The following DNAH9 variants were observed in gnomAD, a reference collection of about 807,000 sequenced individuals.
DNAH9 encodes dynein axonemal heavy chain 9, also known as DNAH9 variant protein.
DNAH9 carries 345 observed loss-of-function variants against 471.6 expected under a neutral mutation model. The observed-to-expected ratio is 0.73, with a 90% confidence interval of 0.67 to 0.80. The LOEUF is 0.80. Among genes scored for constraint, DNAH9 ranks in the 30% least tolerant of loss-of-function variants. The pLI, the probability that DNAH9 is intolerant of heterozygous loss-of-function variation, is 0.00. For missense variants in DNAH9, 5,407 were observed against 5,609.2 expected, an observed-to-expected ratio of 0.96 and a Z score of 1.15; for synonymous variants, 2,093 against 2,123.6, an observed-to-expected ratio of 0.99 and a Z score of 0.40.
Position 11,822,929 on chromosome 17 carries a change from C to A in DNAH9, c.9141C>A (p.Phe3047Leu). ...NYTTPKSFLE[F>L]IRLYQSLLHR... ...CAACTCCCAAGTCCTTTCTGGAGTT[C>A]ATCAGACTCTACCAGAGCTTGTTGC... Residue 3047 changes from phenylalanine to leucine, a missense_variant, in exon 48 of 69, where the codon TTC becomes TTA. Phe to Leu is a conservative substitution (Grantham distance 22). Around this residue, in one of 3 missense-constraint regions of DNAH9, gnomAD observed 4,636 missense variants for 4,900.3 expected, o/e 0.95. Coordinates refer to ENST00000262442, the MANE Select transcript of DNAH9 (RefSeq NM_001372.4). 1 of 1,614,226 alleles carries A rather than the reference C, an allele frequency of 6.2e-7. No individual in the cohort carries two copies. The highest frequency in any genetic ancestry group is 1.1e-5 in the South Asian group (1 of 91,080).
intron 35 of DNAH9, among the ~76,000 whole-genome samples, chr17:11,761,557 AGCACTCAGACAACCCCTGCT>A (rs1305508035): frequency 6.6e-6 from 1 of 152,214 alleles, no homozygotes; most frequent in Non-Finnish European, 1.5e-5. Context: ...CCCTTAGCCA[AGCACTCAGACAACCCCTGCT>A]GCACACAGCC....
At chr17:11,868,033 G>A (rs560710081) in intron 50 of DNAH9, among the ~76,000 whole-genome samples, 6 of 152,224 alleles carry the variant, frequency 3.9e-5, no homozygotes, top group Non-Finnish European at 7.4e-5. Context: ...AAGTTGTCAC[G>A]TCCTCTGCCC....
chr17:11,832,335 C>T (rs190599091), intron 48 of DNAH9, among the ~76,000 whole-genome samples: 10 of 151,904 alleles, frequency 6.6e-5, no homozygotes, highest in Non-Finnish European at 1.2e-4. Flanking sequence ...AACAAAACAA[C>T]AACCAAAAAA....
intron 35 of DNAH9, among the ~76,000 whole-genome samples, chr17:11,761,071 C>G (rs1308336133): frequency 2.0e-5 from 3 of 152,214 alleles, no homozygotes; most frequent in Admixed American, 6.5e-5. Context: ...ATTTTATTTC[C>G]TACTGTTCCT....
rs2074749144 is a variant in DNAH9 at position 11,708,006 on chromosome 17, CACACACACAGAGAGAGAGAGAG to C, written c.5552+2823_5552+2844del. ...ACACACACACACACACACACACACA[CACACACACAGAGAGAGAGAGAG>C]AGAGAGAGAGAGAGAGAGAGAGAGA... On this transcript the variant is annotated intron_variant, in intron 26 of 68. Coordinates refer to ENST00000262442, the MANE Select transcript of DNAH9 (RefSeq NM_001372.4). Among the ~76,000 whole-genome samples, 4 of 48,284 alleles carry C rather than the reference CACACACACAGAGAGAGAGAGAG, an allele frequency of 8.3e-5. No individual in the cohort carries two copies. The East Asian group carries it at 2.0e-3, about 25-fold the overall frequency. The allele number at this position is 48,284 out of a possible 152,430, so 31.7% of individuals were successfully genotyped here. A position where few individuals can be genotyped will look rare whatever the true frequency, so the allele number is the denominator to read the frequency against.
At chr17:11,615,149 T>C (rs993821104) in intron 4 of DNAH9, among the ~76,000 whole-genome samples, 2 of 152,172 alleles carry the variant, frequency 1.3e-5, no homozygotes, top group African/African-American at 4.8e-5. Context: ...ATGGTAGGAA[T>C]ACTGGGAATA....
intron 63 of DNAH9, among the ~76,000 whole-genome samples, chr17:11,931,606 C>T (rs1426669675): frequency 6.6e-6 from 1 of 152,120 alleles, no homozygotes; most frequent in African/African-American, 2.4e-5. Context: ...GTGATTACAC[C>T]TGCTAAGGTT....
intron 6 of DNAH9, among the ~76,000 whole-genome samples, chr17:11,628,876 T>C (rs1426260163): frequency 6.6e-6 from 1 of 152,194 alleles, no homozygotes; most frequent in Admixed American, 6.5e-5. Context: ...TATGTATGTA[T>C]ATATTTATTT....
At chr17:11,609,057 A>C (rs2072570194) in intron 2 of DNAH9, among the ~76,000 whole-genome samples, 1 of 152,130 alleles carries the variant, frequency 6.6e-6, no homozygotes, top group African/African-American at 2.4e-5. Flanking sequence ...TTCATCCAGC[A>C]TCTCTATGTG....
Position 11,752,785 on chromosome 17 carries a change from GAGGATTAATGAAGAAATGGAAAATA to G in DNAH9, c.6611-44_6611-20del, listed in dbSNP as rs776505276. On this transcript the variant is annotated intron_variant, in intron 32 of 68. Transcript: ENST00000262442. ...GGGGGAAAGCTGTGTTTAAGTGAAA[GAGGATTAATGAAGAAATGGAAAATA>G]AGGTGTCAGTGGTTCCTTTTAGGAT... 2.7e-6 allele frequency: 4 copies of G among 1,480,740 alleles called. No individual in the cohort carries two copies. In the South Asian group the frequency reaches 4.4e-5, roughly 16 times the overall value. The allele number at this position is 1,480,740 out of a possible 1,614,324, so 91.7% of individuals were successfully genotyped here. A position where few individuals can be genotyped will look rare whatever the true frequency, so the allele number is the denominator to read the frequency against.
intron 34 of DNAH9, among the ~76,000 whole-genome samples, 180 bp from the exon 35 acceptor site, chr17:11,757,365 G>C (rs528779069): frequency 2.0e-5 from 3 of 152,102 alleles, no homozygotes; most frequent in African/African-American, 7.2e-5. Context: ...TCTATCATCA[G>C]TCCGCTGGAG....
chr17:11,743,895 T>A (rs1029315132), intron 30 of DNAH9, among the ~76,000 whole-genome samples: 1 of 151,688 alleles, frequency 6.6e-6, no homozygotes, highest in Admixed American at 6.6e-5. Context: ...AGTGGCGTGA[T>A]CTCGGCTCGC....
chr17:11,909,001 G>A (rs967911142), intron 61 of DNAH9, among the ~76,000 whole-genome samples: 3 of 152,168 alleles, frequency 2.0e-5, no homozygotes, highest in South Asian at 2.1e-4. Context: ...CTGTTGGTAC[G>A]ATGCCTTTTA....
rs181532415 is a variant in DNAH9 at position 11,773,677 on chromosome 17, G to A, written c.7552+4348G>A. 7.8e-4 allele frequency among the ~76,000 whole-genome samples: 119 copies of A among 152,112 alleles called. 1 individual carries two copies. Among genetic ancestry groups the A allele is most frequent in the African/African-American group, 2.8e-3 (117 of 41,504 alleles). Reference sequence around the variant, plus strand: ...GGGAAACTGACTGGGTGCTGAGGGTGGAATAGAGAATTATTTAAACCTTTT... The same window carrying A: ...GGGAAACTGACTGGGTGCTGAGGGTAGAATAGAGAATTATTTAAACCTTTT... On this transcript the variant is annotated intron_variant, in intron 38 of 68. Coordinates refer to ENST00000262442, the MANE Select transcript of DNAH9 (RefSeq NM_001372.4).
intron 49 of DNAH9, among the ~76,000 whole-genome samples, chr17:11,843,744 CAAG>C (rs1188276866): frequency 6.7e-6 from 1 of 149,926 alleles, no homozygotes; most frequent in East Asian, 1.9e-4. Flanking sequence ...AAATAATTGA[CAAG>C]AAAAACTTTC....
chr17:11,628,022 G>A (rs547384656), intron 6 of DNAH9, among the ~76,000 whole-genome samples: 96 of 152,202 alleles, frequency 6.3e-4, no homozygotes, highest in African/African-American at 2.2e-3. Flanking sequence ...TTACAGCATC[G>A]GTGTCATGGT....
chr17:11,676,255 T>C (rs1382201839), intron 17 of DNAH9, among the ~76,000 whole-genome samples: 8 of 150,458 alleles, frequency 5.3e-5, no homozygotes, highest in Non-Finnish European at 1.0e-4. Flanking sequence ...CTATGGTGTC[T>C]CCCTCTTTTC....
At chr17:11,660,067 T>C (rs1489848447) in intron 14 of DNAH9, among the ~76,000 whole-genome samples, 1 of 152,144 alleles carries the variant, frequency 6.6e-6, no homozygotes, top group East Asian at 1.9e-4. Flanking sequence ...AAATTTTGAT[T>C]TTGCTAATTT....
intron 31 of DNAH9, among the ~76,000 whole-genome samples, chr17:11,746,504 C>A (rs1966884927): frequency 6.6e-6 from 1 of 152,156 alleles, no homozygotes. Flanking sequence ...CTCCTCCCTG[C>A]ACCATGCTGG....
Sources: allele counts gnomAD v4.1 joint callset (sites outside exome capture counted in the v4.1 genomes callset), GRCh38; gene constraint gnomAD v4.1.1; regional missense constraint gnomAD v4.1.1; transcripts MANE v1.5; gene names NCBI Gene and HGNC (gene_info 2026-07-23, HGNC 2026-07-21).